Variants in RPGRIP1L observed in about 807,000 individuals in gnomAD.
The protein encoded by RPGRIP1L is RPGRIP1 like.
RPGRIP1L carries 131 observed loss-of-function variants against 160.4 expected under a neutral mutation model. The observed-to-expected ratio is 0.82, with a 90% CI of 0.71 to 0.94. The LOEUF is 0.94. Among genes scored for constraint, RPGRIP1L ranks in the 40% least tolerant of loss-of-function variants. The pLI is 0.00. For synonymous variants in RPGRIP1L, 510 were observed against 515.8 expected, an observed-to-expected ratio of 0.99 and a Z score of 0.15; for missense variants, 1,522 against 1,535.8, an observed-to-expected ratio of 0.99 and a Z score of 0.15.
At chr16:53,613,517 A>G (rs942388790) in intron 24 of RPGRIP1L, among the ~76,000 whole-genome samples, 1 of 151,992 alleles carries the variant, frequency 6.6e-6, no homozygotes, top group African/African-American at 2.4e-5. Context: ...GAGTCTCACT[A>G]TGTTGCCCAG....
chr16:53,599,060 T>C lies in RPGRIP1L; in HGVS notation c.*3016A>G, dbSNP rs1471602034. On this transcript the variant is annotated 3_prime_UTR_variant, in exon 27 of 27. Coordinates refer to ENST00000647211, the MANE Select transcript of RPGRIP1L (RefSeq NM_015272.5). ...TTAGAACATGTGTAAGAACTGGTTT[T>C]CATTTTCACAGCTCTTGATGTCAGA... The C allele has an allele frequency of 6.6e-6, 1 of 152,246 alleles. No individual in the cohort carries two copies. The highest frequency in any genetic ancestry group is 1.5e-5 in the Non-Finnish European group (1 of 68,044). 9.4% of individuals were successfully genotyped at this position (152,246 alleles called of 1,614,324 possible).
chr16:53,679,212 G>A (rs138661704), intron 6 of RPGRIP1L, among the ~76,000 whole-genome samples: 359 of 152,202 alleles, frequency 2.4e-3, no homozygotes, highest in Middle Eastern at 0.01. Flanking sequence ...CCACCCACAG[G>A]AATGGAGGGG....
chr16:53,645,600 T>C (rs780142644), intron 17 of RPGRIP1L, 25 bp downstream of exon 17: 1 of 1,606,516 alleles, frequency 6.2e-7, no homozygotes, highest in South Asian at 1.1e-5. Context: ...TTTACAATTT[T>C]ATAGATTCAA....
intron 2 of RPGRIP1L, among the ~76,000 whole-genome samples, chr16:53,699,235 C>G (rs895900338): frequency 6.6e-5 from 10 of 151,770 alleles, no homozygotes; most frequent in Non-Finnish European, 1.3e-4. Context: ...CTCAAGTACC[C>G]AGGGACACAA....
chr16:53,626,636 C>A (rs1209946350), intron 22 of RPGRIP1L, among the ~76,000 whole-genome samples: 2 of 151,942 alleles, frequency 1.3e-5, no homozygotes, highest in Non-Finnish European at 2.9e-5. Flanking sequence ...GAAACCCCTT[C>A]TCTACTAAAG....
chr16:53,654,327 C>T lies in RPGRIP1L; in HGVS notation c.1700-1340G>A, dbSNP rs143548825. The stretch of plus-strand genomic sequence containing the variant: ...AGGTTCTCCTCCTTTTTTTGACTTT[C>T]CTGAATTCCAGTTGGATGGATCTAC... On this transcript the variant is annotated intron_variant, in intron 14 of 26. Coordinates refer to ENST00000647211, the MANE Select transcript of RPGRIP1L (RefSeq NM_015272.5). Among the ~76,000 whole-genome samples the T allele has an allele frequency of 2.6e-4, 40 of 152,206 alleles. No individual in the cohort carries two copies. The East Asian group carries it at 7.1e-3, about 27-fold the overall frequency.
intron 10 of RPGRIP1L, among the ~76,000 whole-genome samples, chr16:53,661,215 T>C (rs568512769): frequency 3.0e-4 from 46 of 150,976 alleles, no homozygotes; most frequent in African/African-American, 1.0e-3. Context: ...AAGAATTGCT[T>C]GAACCTGGGA....
rs1249036661 is a variant in RPGRIP1L, at chr16:53,637,856, T to G, written c.3061-2A>C. On this transcript the variant is annotated splice_acceptor_variant, in intron 20 of 26. Coordinates refer to ENST00000647211, the MANE Select transcript of RPGRIP1L (RefSeq NM_015272.5). LOFTEE classifies it high-confidence loss of function. ...ATCTACACTGCCTTCTTGTGAAACC[T>G]GAAGAAATCAAAGCACACTGGTATA... 1 of 1,612,038 alleles carries G rather than the reference T, an allele frequency of 6.2e-7. No individual in the cohort carries two copies. The highest frequency in any genetic ancestry group is 1.3e-5 in the African/African-American group (1 of 74,878).
rs60485797 is a variant in RPGRIP1L at position 53,606,311 on chromosome 16, G to C, written c.3702-697C>G. Among the ~76,000 whole-genome samples the C allele has an allele frequency of 9.6e-3, 1,464 of 152,310 alleles. 11 individuals are homozygous for C. Among genetic ancestry groups the C allele is most frequent in the Middle Eastern group, 0.068 (20 of 294 alleles). On this transcript the variant is annotated intron_variant, in intron 25 of 26. Coordinates refer to ENST00000647211, the MANE Select transcript of RPGRIP1L (RefSeq NM_015272.5). ...CCAAATGCACTTGGATTGACCAAAT[G>C]ACAGGAATTTACAGTTAAGTACTCT...
chr16:53,643,743 CA>C (rs1265817830), intron 17 of RPGRIP1L, among the ~76,000 whole-genome samples: 3 of 152,148 alleles, frequency 2.0e-5, no homozygotes. Flanking sequence ...GGCAAGTCAC[CA>C]AGCAAAAATA....
chr16:53,699,387 A>T (rs1011398233), intron 2 of RPGRIP1L, among the ~76,000 whole-genome samples: 93 of 43,794 alleles, frequency 2.1e-3, no homozygotes, highest in African/African-American at 0.012. Flanking sequence ...AATGATCAAT[A>T]AAAAAAAAAA....
At position 53,626,940 on chromosome 16, in the gene RPGRIP1L, T is replaced by C. The variant is rs923379368; in HGVS notation, c.3295-4584A>G. ...GTGATTAAATGATCTAGAAATGTGA[T>C]GACAGCTTGTATTGCTCTAAAAAAA... On this transcript the variant is annotated intron_variant, in intron 22 of 26. Coordinates refer to ENST00000647211, the MANE Select transcript of RPGRIP1L (RefSeq NM_015272.5). Among the ~76,000 whole-genome samples the C allele has an allele frequency of 2.0e-5, 3 of 152,192 alleles. No homozygotes were observed. The South Asian group carries it at 6.2e-4, about 32-fold the overall frequency.
chr16:53,652,610 T>C lies in RPGRIP1L; in HGVS notation c.2077A>G (p.Ile693Val), dbSNP rs753522757. Reference protein sequence around the residue: ...HQAYSTEYETIAACQLKFHEI... With the variant: ...HQAYSTEYETVAACQLKFHEI... ...TGAAATTTTAATTGACATGCTGCAATTGTTTCATATTCTGTGCTATAAGCC... is the reference window on the plus strand; with the variant it reads ...TGAAATTTTAATTGACATGCTGCAACTGTTTCATATTCTGTGCTATAAGCC... Residue 693 changes from isoleucine to valine, a missense_variant, in exon 15 of 27, where the codon ATT (isoleucine) becomes GTT (valine). Transcript: ENST00000647211. 2.5e-6 allele frequency: 4 copies of C among 1,614,092 alleles called. No homozygotes were observed. Among genetic ancestry groups the C allele is most frequent in the Non-Finnish European group, 3.4e-6 (4 of 1,179,978 alleles).
At chr16:53,665,058 C>A in intron 9 of RPGRIP1L, 49 bp from the exon 10 acceptor site, 1 of 1,609,772 alleles carries the variant, frequency 6.2e-7, no homozygotes, top group Non-Finnish European at 8.5e-7. Context: ...TCAGCTTCAA[C>A]CGAAAATAAT....
chr16:53,599,806 C>T lies in RPGRIP1L; in HGVS notation c.*2270G>A, dbSNP rs1430641491. 1 of 152,226 alleles carries T rather than the reference C, an allele frequency of 6.6e-6. No individual in the cohort carries two copies. The highest frequency in any genetic ancestry group is 1.5e-5 in the Non-Finnish European group (1 of 68,042). The allele number at this position is 152,226 out of a possible 1,614,324, so 9.4% of individuals were successfully genotyped here. A position where few individuals can be genotyped will look rare whatever the true frequency, so the allele number is the denominator to read the frequency against. On this transcript the variant is annotated 3_prime_UTR_variant, in exon 27 of 27. Coordinates refer to ENST00000647211, the MANE Select transcript of RPGRIP1L (RefSeq NM_015272.5). ...TTATGAAACCCAACTGAAGTATCCA[C>T]ATGACAGCGTTCAATACTACCTCGC...
intron 7 of RPGRIP1L, 24 bp downstream of exon 7, chr16:53,674,993 T>A (rs772446206): frequency 6.8e-7 from 1 of 1,472,784 alleles, no homozygotes; most frequent in South Asian, 1.1e-5. Context: ...TGTAACATTG[T>A]AATAAAATAA....
At chr16:53,631,529 G>A (rs1001136840) in intron 22 of RPGRIP1L, among the ~76,000 whole-genome samples, 1 of 152,268 alleles carries the variant, frequency 6.6e-6, no homozygotes, top group East Asian at 1.9e-4. Context: ...TAGAAATAAT[G>A]CAAAAGATGG....
chr16:53,673,613 G>T (rs1968924964), intron 7 of RPGRIP1L, among the ~76,000 whole-genome samples: 1 of 151,804 alleles, frequency 6.6e-6, no homozygotes, highest in Non-Finnish European at 1.5e-5. Context: ...AATAAAAAAA[G>T]GTAAAGTCTT....
intron 2 of RPGRIP1L, among the ~76,000 whole-genome samples, chr16:53,697,556 G>T (rs1435560506): frequency 6.6e-6 from 1 of 152,238 alleles, no homozygotes; most frequent in East Asian, 1.9e-4. Flanking sequence ...TGGAGACGGG[G>T]TTTCGCTGTG....
Sources: gnomAD v4.1 joint callset for allele counts (sites outside exome capture counted in the v4.1 genomes callset) on GRCh38, gnomAD v4.1.1 for gene constraint, MANE v1.5 for transcripts, NCBI Gene and HGNC (gene_info 2026-07-23, HGNC 2026-07-21) for gene names.